CSMD1: variants seen among roughly 807,000 people sequenced by gnomAD.
CSMD1 encodes the protein CUB and Sushi multiple domains 1.
In CSMD1, 213 loss-of-function variants were observed where a neutral mutation model predicts 417.5. That is an observed-to-expected ratio of 0.51 (90% confidence interval 0.46 to 0.57). The LOEUF is 0.57. CSMD1 is among the 20% of genes least tolerant of loss of function. The pLI, the probability that CSMD1 is intolerant of heterozygous loss-of-function variation, is 0.00. For synonymous variants in CSMD1, 2,862 were observed against 1,736.8 expected (o/e 1.65, Z -16.11); for missense variants, 6,923 against 4,529.7 (o/e 1.53, Z -15.17).
chr8:3,196,184 C>T (rs1331767441), intron 33 of CSMD1, among the ~76,000 whole-genome samples: 1 of 152,178 alleles, frequency 6.6e-6, no homozygotes, highest in Non-Finnish European at 1.5e-5. Flanking sequence ...AAAAGACACT[C>T]CCACCAGCAC....
At chr8:4,148,224 G>A (rs887282012) in intron 3 of CSMD1, among the ~76,000 whole-genome samples, 4 of 151,946 alleles carry the variant, frequency 2.6e-5, no homozygotes, top group Non-Finnish European at 4.4e-5. Flanking sequence ...TATAGACTGG[G>A]CAACTTTAAA....
chr8:4,536,158 G>C (rs566365139), intron 2 of CSMD1, among the ~76,000 whole-genome samples: 1 of 152,228 alleles, frequency 6.6e-6, no homozygotes, highest in South Asian at 2.1e-4. Context: ...CCGCAACTCA[G>C]TAAGTAAGGA....
At chr8:4,030,753 T>C (rs191895669) in intron 4 of CSMD1, among the ~76,000 whole-genome samples, 27 of 152,310 alleles carry the variant, frequency 1.8e-4, no homozygotes, top group Non-Finnish European at 2.9e-4. Flanking sequence ...TATCACATTG[T>C]CAGACTGCAA....
chr8:3,711,704 G>C (rs1008901659), intron 6 of CSMD1, among the ~76,000 whole-genome samples: 4 of 152,128 alleles, frequency 2.6e-5, no homozygotes, highest in African/African-American at 7.2e-5. Context: ...TCCTCTGCCA[G>C]CTCTCCCCAG....
intron 1 of CSMD1, among the ~76,000 whole-genome samples, chr8:4,809,224 G>C (rs1265811414): frequency 6.6e-6 from 1 of 152,164 alleles, no homozygotes; most frequent in Non-Finnish European, 1.5e-5. Context: ...TAGGAGAAAA[G>C]ATAGAGTTTT....
intron 7 of CSMD1, among the ~76,000 whole-genome samples, chr8:3,666,967 A>T (rs1324854777): frequency 6.6e-6 from 1 of 152,168 alleles, no homozygotes; most frequent in Non-Finnish European, 1.5e-5. Flanking sequence ...TTGCAGTCTA[A>T]TTGTAAGAGC....
chr8:3,736,855 G>A (rs1584924652), intron 6 of CSMD1, among the ~76,000 whole-genome samples: 1 of 152,178 alleles, frequency 6.6e-6, no homozygotes, highest in East Asian at 1.9e-4. Flanking sequence ...GTCTACATAT[G>A]AATGGGTGAA....
At chr8:4,102,277 A>G (rs11986599) in intron 3 of CSMD1, among the ~76,000 whole-genome samples, 1,773 of 152,280 alleles carry the variant, frequency 0.012, 34 homozygotes, top group African/African-American at 0.039. Flanking sequence ...TACACATTAT[A>G]AGGAAGATCA....
rs531455264 is a variant in CSMD1 at position 4,008,060 on chromosome 8, C to G, written c.611-9950G>C. On this transcript the variant is annotated intron_variant, in intron 4 of 69. Coordinates refer to ENST00000635120, the MANE Select transcript of CSMD1 (RefSeq NM_033225.6). The stretch of plus-strand genomic sequence containing the variant: ...TGCTTGTTTTCAGCAAGCAGGAAAA[C>G]CACAAGTCCAGGAGGTTTTTTCTTT... Among the ~76,000 whole-genome samples, 21 of 152,236 alleles carry G rather than the reference C, an allele frequency of 1.4e-4. No individual in the cohort carries two copies. In the East Asian group the frequency reaches 2.1e-3, roughly 15 times the overall value.
At chr8:3,282,306 C>T (rs145901239) in intron 26 of CSMD1, among the ~76,000 whole-genome samples, 23 of 152,148 alleles carry the variant, frequency 1.5e-4, no homozygotes, top group African/African-American at 5.1e-4. Context: ...GTGCTGTGGA[C>T]AGAGAGCACG....
At chr8:3,998,246 A>T in intron 4 of CSMD1, 136 bp from the exon 5 acceptor site, 1 of 687,336 alleles carries the variant, frequency 1.5e-6, no homozygotes. Flanking sequence ...TCTGAAAAAG[A>T]ATCTTTTGGT....
intron 3 of CSMD1, among the ~76,000 whole-genome samples, chr8:4,127,318 T>A (rs997683610): frequency 6.6e-6 from 1 of 151,890 alleles, no homozygotes; most frequent in Non-Finnish European, 1.5e-5. Flanking sequence ...ATTCTAGACT[T>A]CTTTCTTTCT....
At chr8:4,230,717 C>G (rs1270341995) in intron 3 of CSMD1, among the ~76,000 whole-genome samples, 4 of 152,096 alleles carry the variant, frequency 2.6e-5, no homozygotes, top group Middle Eastern at 3.2e-3. Context: ...CCTTTAATGA[C>G]TATAAATATA....
At chr8:3,921,871 G>A (rs1033346392) in intron 5 of CSMD1, among the ~76,000 whole-genome samples, 3 of 152,128 alleles carry the variant, frequency 2.0e-5, no homozygotes, top group Admixed American at 6.6e-5. Context: ...CTGTGGTCTG[G>A]AAGGTTCTGC....
intron 12 of CSMD1, among the ~76,000 whole-genome samples, chr8:3,458,228 G>A (rs777296621): frequency 7.9e-5 from 12 of 152,082 alleles, no homozygotes; most frequent in Non-Finnish European, 1.5e-4. Flanking sequence ...CACTAACACT[G>A]GAATTTAAAT....
At chr8:4,050,822 T>C (rs557784026) in intron 3 of CSMD1, among the ~76,000 whole-genome samples, 22 of 152,286 alleles carry the variant, frequency 1.4e-4, no homozygotes, top group African/African-American at 4.1e-4. Context: ...TTATCTCAAG[T>C]GCCAATTTTT....
intron 41 of CSMD1, among the ~76,000 whole-genome samples, chr8:3,122,584 T>C (rs909795468): frequency 6.6e-6 from 1 of 152,164 alleles, no homozygotes; most frequent in South Asian, 2.1e-4. Flanking sequence ...GGGGAGGTAA[T>C]TGCATCAGAG....
chr8:4,787,339 C>A, intron 1 of CSMD1: 2 of 733,930 alleles, frequency 2.7e-6, no homozygotes, highest in East Asian at 2.6e-5. Flanking sequence ...ATAATGGCGA[C>A]AGCTGAGGTA....
chr8:4,068,920 T>G (rs569534167), intron 3 of CSMD1, among the ~76,000 whole-genome samples: 1 of 152,336 alleles, frequency 6.6e-6, no homozygotes, highest in Non-Finnish European at 1.5e-5. Context: ...ATAATAATTA[T>G]AATTTTGTGG....
Sources: gnomAD v4.1 joint callset for allele counts (sites outside exome capture counted in the v4.1 genomes callset) on GRCh38, gnomAD v4.1.1 for gene constraint, MANE v1.5 for transcripts, NCBI Gene and HGNC (gene_info 2026-07-23, HGNC 2026-07-21) for gene names.